The following PDZRN4 variants were observed in gnomAD, a reference collection of about 807,000 sequenced individuals.
The protein encoded by PDZRN4 is PDZ domain-containing RING finger protein 4.
A neutral mutation model predicts 99.0 loss-of-function variants in PDZRN4; 70 were observed. The observed-to-expected ratio is 0.71, with a 90% CI of 0.58 to 0.86. The LOEUF is 0.86. Among genes scored for constraint, PDZRN4 ranks in the 40% least tolerant of loss-of-function variants. The pLI is 0.00. For synonymous variants in PDZRN4, 551 were observed against 501.6 expected, an observed-to-expected ratio of 1.10 and a Z score of -1.32; for missense variants, 1,474 against 1,331.2, an observed-to-expected ratio of 1.11 and a Z score of -1.67.
At chr12:41,548,932 T>TATAATCA (rs1939006653) in intron 5 of PDZRN4, among the ~76,000 whole-genome samples, 1 of 152,238 alleles carries the variant, frequency 6.6e-6, no homozygotes, top group Non-Finnish European at 1.5e-5. Context: ...TCAACCTATA[T>TATAATCA]ATAATCAATT....
At chr12:41,190,180 C>T (rs1315090292) in intron 1 of PDZRN4, among the ~76,000 whole-genome samples, 1 of 152,198 alleles carries the variant, frequency 6.6e-6, no homozygotes, top group African/African-American at 2.4e-5. Flanking sequence ...TCCACACTGC[C>T]TCTAACTCAG....
intron 3 of PDZRN4, among the ~76,000 whole-genome samples, chr12:41,447,708 AG>A (rs1232006197): frequency 1.3e-5 from 2 of 152,154 alleles, no homozygotes; most frequent in Non-Finnish European, 2.9e-5. Context: ...AAAGTAGTCA[AG>A]TAACAAATTC....
At position 41,305,783 on chromosome 12, in the gene PDZRN4, T is replaced by C. The variant is rs532065156; in HGVS notation, c.843+111595T>C. ...CCCTGGCCCCACAAAATTTGTGTCC[T>C]TCTCATATGTAAAATACATTTGTTC... On this transcript the variant is annotated intron_variant, in intron 3 of 9. Coordinates refer to ENST00000402685, the MANE Select transcript of PDZRN4 (RefSeq NM_001164595.2). Among the ~76,000 whole-genome samples, 86 of 152,334 alleles carry C rather than the reference T, an allele frequency of 5.6e-4. 1 individual carries two copies. The highest frequency in any genetic ancestry group is 1.9e-3 in the African/African-American group (79 of 41,576).
At chr12:41,510,580 T>C (rs562927462) in intron 5 of PDZRN4, among the ~76,000 whole-genome samples, 2 of 152,138 alleles carry the variant, frequency 1.3e-5, no homozygotes, top group Non-Finnish European at 2.9e-5. Context: ...CTTTGAAAGG[T>C]TTCAGACTAC....
At chr12:41,538,176 T>G (rs934992820) in intron 5 of PDZRN4, among the ~76,000 whole-genome samples, 20 of 152,094 alleles carry the variant, frequency 1.3e-4, no homozygotes, top group African/African-American at 4.6e-4. Context: ...ACAGCAAAAA[T>G]GTCTGGAAAT....
chr12:41,451,652 A>G (rs1952774716), intron 3 of PDZRN4, among the ~76,000 whole-genome samples: 1 of 152,324 alleles, frequency 6.6e-6, no homozygotes, highest in East Asian at 1.9e-4. Context: ...CCTTCTCGCA[A>G]TTTCTAAGAT....
chr12:41,349,932 T>C (rs554830756), intron 3 of PDZRN4, among the ~76,000 whole-genome samples: 13 of 151,876 alleles, frequency 8.6e-5, no homozygotes, highest in Non-Finnish European at 1.6e-4. Flanking sequence ...ATATGAGGAA[T>C]TGCAAATAAC....
At position 41,368,822 on chromosome 12, in the gene PDZRN4, C is replaced by A. The variant is rs145378816; in HGVS notation, c.844-137634C>A. Among the ~76,000 whole-genome samples the A allele has an allele frequency of 3.5e-3, 527 of 152,158 alleles. 3 individuals are homozygous for A. The highest frequency in any genetic ancestry group is 0.012 in the African/African-American group (495 of 41,530). On this transcript the variant is annotated intron_variant, in intron 3 of 9. Transcript: ENST00000402685. ...CCCAAGTGAAGAGCAGTCTGGGGAG[C>A]CAAGGGGATGGTGGTCAGTGGCTGC...
chr12:41,492,077 T>A (rs1350636862), intron 3 of PDZRN4, among the ~76,000 whole-genome samples: 1 of 152,164 alleles, frequency 6.6e-6, no homozygotes, highest in Non-Finnish European at 1.5e-5. Flanking sequence ...GCATACAAAA[T>A]GCATGTTCTT....
At chr12:41,349,800 C>T (rs556672008) in intron 3 of PDZRN4, among the ~76,000 whole-genome samples, 17 of 151,788 alleles carry the variant, frequency 1.1e-4, no homozygotes, top group East Asian at 7.7e-4. Flanking sequence ...TATATGTATA[C>T]GGTATGGGGA....
intron 3 of PDZRN4, among the ~76,000 whole-genome samples, chr12:41,283,162 TA>T (rs1951400501): frequency 1.3e-5 from 2 of 151,052 alleles, no homozygotes; most frequent in Admixed American, 6.6e-5. Context: ...ATAGACACAA[TA>T]AAAAATGATA....
intron 3 of PDZRN4, among the ~76,000 whole-genome samples, chr12:41,387,212 A>T (rs1159854822): frequency 6.6e-6 from 1 of 152,176 alleles, no homozygotes; most frequent in Non-Finnish European, 1.5e-5. Flanking sequence ...TTTTCAAACT[A>T]TTCCTCTAAC....
At chr12:41,564,472 T>C (rs1939328369) in intron 8 of PDZRN4, among the ~76,000 whole-genome samples, 1 of 152,210 alleles carries the variant, frequency 6.6e-6, no homozygotes, top group Non-Finnish European at 1.5e-5. Context: ...TAAAGTTAGT[T>C]ATATCGCCAT....
At chr12:41,226,935 G>A (rs763109991) in intron 3 of PDZRN4, among the ~76,000 whole-genome samples, 1 of 152,110 alleles carries the variant, frequency 6.6e-6, no homozygotes, top group Non-Finnish European at 1.5e-5. Flanking sequence ...TGTACTTGCT[G>A]TTTTTATGAT....
intron 3 of PDZRN4, among the ~76,000 whole-genome samples, chr12:41,312,115 G>A (rs1303898800): frequency 6.6e-6 from 1 of 151,970 alleles, no homozygotes; most frequent in Non-Finnish European, 1.5e-5. Flanking sequence ...AACTTAAATA[G>A]TATTACTTAA....
Position 41,189,060 on chromosome 12 carries a change from A to G in PDZRN4, c.605A>G (p.His202Arg), listed in dbSNP as rs1375068556. Residue 202 changes from histidine (H) to arginine (R), a missense_variant, in exon 1 of 10, where the codon CAC becomes CGC. Coordinates refer to ENST00000402685, the MANE Select transcript of PDZRN4 (RefSeq NM_001164595.2). The stretch of plus-strand genomic sequence containing the variant: ...GAGAAGTTCACCCAATACATGGCTC[A>G]CGTCCGCAACTTCGTCGGCGACCTC... ...YQEKFTQYMA[H>R]VRNFVGDLGG... 1 of 1,576,750 alleles carries G rather than the reference A, an allele frequency of 6.3e-7. No homozygotes were observed. The highest frequency in any genetic ancestry group is 8.6e-7 in the Non-Finnish European group (1 of 1,168,624).
At chr12:41,227,171 A>C (rs1199421999) in intron 3 of PDZRN4, among the ~76,000 whole-genome samples, 1 of 152,184 alleles carries the variant, frequency 6.6e-6, no homozygotes, top group Non-Finnish European at 1.5e-5. Context: ...TGAATTAAAA[A>C]GATAGATGTG....
At chr12:41,569,571 A>G (rs2120853769) in intron 9 of PDZRN4, among the ~76,000 whole-genome samples, 1 of 152,302 alleles carries the variant, frequency 6.6e-6, no homozygotes, top group East Asian at 1.9e-4. Context: ...TTAATTCTTA[A>G]CACATCTTAA....
chr12:41,474,543 A>G (rs1953022490), intron 3 of PDZRN4, among the ~76,000 whole-genome samples: 11 of 152,250 alleles, frequency 7.2e-5, no homozygotes, highest in Admixed American at 7.2e-4. Context: ...AAACTCAAAC[A>G]CAGGAGGCTT....
Sources: allele counts gnomAD v4.1 joint callset (sites outside exome capture counted in the v4.1 genomes callset), GRCh38; gene constraint gnomAD v4.1.1; transcripts MANE v1.5; gene names NCBI Gene and HGNC (gene_info 2026-07-23, HGNC 2026-07-21).